Variants in SPG7 observed in about 807,000 individuals in gnomAD.
The protein encoded by SPG7 is SPG7 matrix AAA peptidase subunit, paraplegin, also known as mitochondrial inner membrane m-AAA protease component paraplegin.
A neutral mutation model predicts 81.9 loss-of-function variants in SPG7; 103 were observed. The observed-to-expected ratio is 1.26, with a 90% CI of 1.07 to 1.48. SPG7 has a LOEUF of 1.48. SPG7 is among the 40% of genes most tolerant of loss of function. The probability of loss-of-function intolerance (pLI) is 0.00; values close to 1 mark genes in which losing one functional copy is unlikely to be tolerated. For missense variants in SPG7, 1,241 were observed against 1,087.3 expected (o/e 1.14, Z -1.99); for synonymous variants, 534 against 444.2 (o/e 1.20, Z -2.54).
chr16:89,524,199 CGTG>C lies in SPG7; in HGVS notation c.575_577del (p.Val192del), dbSNP rs2058231392. ...GCGTCCAGGTGGTGCCTGAGAGCGA[CGTG>C]GTGGAAGTCTACCTGCACCCTGGAG... is the stretch of plus-strand genomic sequence containing the variant. On this transcript the variant is annotated inframe_deletion, in exon 4 of 17. Transcript: ENST00000645818. 6.2e-7 allele frequency: 1 copy of C among 1,613,732 alleles called. No homozygotes were observed. The highest frequency in any genetic ancestry group is 8.5e-7 in the Non-Finnish European group (1 of 1,179,978).
rs1567896247 is a variant in SPG7, at chr16:89,513,006, G to A, written c.345G>A (p.Lys115=). 3.1e-6 allele frequency: 5 copies of A among 1,613,314 alleles called. No individual in the cohort carries two copies. Among genetic ancestry groups the A allele is most frequent in the Non-Finnish European group, 3.4e-6 (4 of 1,179,370 alleles). Reference sequence around the variant, plus strand: ...AGCAGAAGAATAAGGAGAAGGATAAGTCGAAGGGGAAGGCGCCTGAAGAGG... The same window carrying A: ...AGCAGAAGAATAAGGAGAAGGATAAATCGAAGGGGAAGGCGCCTGAAGAGG... ...RLKQKNKEKD[K]SKGKAPEEDE... is the part of the protein sequence containing the mutation. Residue 115 remains lysine, a synonymous_variant, in exon 3 of 17, where the codon AAG becomes AAA. Coordinates refer to ENST00000645818, the MANE Select transcript of SPG7 (RefSeq NM_003119.4).
intron 12 of SPG7, chr16:89,548,634 G>C: frequency 3.1e-6 from 1 of 327,700 alleles, no homozygotes; most frequent in South Asian, 2.4e-5. Context: ...CGGGAGATGA[G>C]TTTTGGTGAC....
At position 89,536,869 on chromosome 16, in the gene SPG7, A is replaced by C. The variant is rs139949614; in HGVS notation, c.1324+4233A>C. The C allele has an allele frequency of 2.6e-5, 42 of 1,614,020 alleles. No individual in the cohort carries two copies. In the African/African-American group the frequency reaches 5.1e-4, roughly 19 times the overall value. On this transcript the variant is annotated intron_variant, in intron 9 of 16. Coordinates refer to ENST00000645818, the MANE Select transcript of SPG7 (RefSeq NM_003119.4). The stretch of plus-strand genomic sequence containing the variant: ...GGAGCCCACAGGGTCACGGAGGGCA[A>C]TGGAGGGTCATTCGCTCTGCTGGGG...
intron 12 of SPG7, chr16:89,548,406 A>G: frequency 2.6e-6 from 1 of 390,806 alleles, no homozygotes; most frequent in Non-Finnish European, 4.7e-6. Flanking sequence ...AAAATAATAA[A>G]AACTAAAAAT....
At chr16:89,517,221 G>GA (rs398119608) in intron 3 of SPG7, 1 of 46,872 alleles carries the variant, frequency 2.1e-5, no homozygotes, top group Non-Finnish European at 4.9e-5. Context: ...AGGGACGTGT[G>GA]CCCCACTAAT....
intron 5 of SPG7, 22 bp downstream of exon 5, chr16:89,526,490 A>G (rs369223012): frequency 5.0e-6 from 8 of 1,613,844 alleles, no homozygotes; most frequent in African/African-American, 1.3e-5. Flanking sequence ...GTATTTGTTG[A>G]TGCTTGAACT....
Position 89,548,143 on chromosome 16 carries a change from C to T in SPG7, c.1663+30C>T. 7 of 1,497,308 alleles carry T rather than the reference C, an allele frequency of 4.7e-6. No homozygotes were observed. The South Asian group carries it at 5.6e-5, about 12-fold the overall frequency. 92.8% of individuals were successfully genotyped at this position (1,497,308 alleles called of 1,614,324 possible). A position where few individuals can be genotyped will look rare whatever the true frequency, so the allele number is the denominator to read the frequency against. On this transcript the variant is annotated intron_variant, in intron 12 of 16. Transcript: ENST00000645818. Reference sequence around the variant, plus strand: ...AGGGGGCGCGCCCTGGGTGAAGGCCCTCCTTAGCAGGGCTTGAACCCCAGA... The same window carrying T: ...AGGGGGCGCGCCCTGGGTGAAGGCCTTCCTTAGCAGGGCTTGAACCCCAGA...
chr16:89,535,725 T>C (rs1479082413), intron 9 of SPG7, among the ~76,000 whole-genome samples: 1 of 152,232 alleles, frequency 6.6e-6, no homozygotes, highest in Admixed American at 6.5e-5. Flanking sequence ...CTGGGAGAGC[T>C]GCCCTGTACC....
chr16:89,532,509 C>G lies in SPG7; in HGVS notation c.1197C>G (p.Ala399=). ...RVRSLFKEAR[A]RAPCIVYIDE... ...GGAGCCTCTTTAAGGAAGCCCGAGC[C>G]CGGGCCCCCTGCATCGTCTACATCG... Residue 399 remains alanine (A), a synonymous_variant, in exon 9 of 17, where the codon GCC becomes GCG. Transcript: ENST00000645818. 1 of 1,613,634 alleles carries G rather than the reference C, an allele frequency of 6.2e-7. No homozygotes were observed. The highest frequency in any genetic ancestry group is 8.5e-7 in the Non-Finnish European group (1 of 1,180,030).
chr16:89,529,540 G>A lies in SPG7; in HGVS notation c.822G>A (p.Leu274=). The change falls in exon 6 of 17, where the codon CTG becomes CTA. Residue 274 remains leucine (L), a synonymous_variant. Coordinates refer to ENST00000645818, the MANE Select transcript of SPG7 (RefSeq NM_003119.4). ...GLAILWYVFR[L]AGMTGREGGF... Reference sequence around the variant, plus strand: ...CCATCCTGTGGTATGTTTTCCGTCTGGCCGGGATGACTGGAAGGGAAGGTG... The same window carrying A: ...CCATCCTGTGGTATGTTTTCCGTCTAGCCGGGATGACTGGAAGGGAAGGTG... 6.2e-7 allele frequency: 1 copy of A among 1,614,054 alleles called. No individual in the cohort carries two copies. Among genetic ancestry groups the A allele is most frequent in the South Asian group, 1.1e-5 (1 of 91,060 alleles).
chr16:89,537,315 C>G, intron 9 of SPG7: 1 of 1,244,186 alleles, frequency 8.0e-7, no homozygotes, highest in Non-Finnish European at 1.0e-6. Context: ...TCAAAGAGCA[C>G]TGGAGGCACC....
chr16:89,510,425 C>A, intron 1 of SPG7, 65 bp from the exon 2 acceptor site: 1 of 974,580 alleles, frequency 1.0e-6, no homozygotes, highest in Non-Finnish European at 1.6e-6. Context: ...GATTTTTAGT[C>A]TGCATTGCTT....
chr16:89,537,535 C>CT (rs1218549843), intron 9 of SPG7: 185 of 981,218 alleles, frequency 1.9e-4, no homozygotes, highest in Admixed American at 4.2e-4. Context: ...TATGCTTCGA[C>CT]TTTTTTTTTC....
rs61756187 is a variant in SPG7, at chr16:89,557,003, C to G, written c.2298C>G (p.Ala766=). 3.8e-5 allele frequency: 61 copies of G among 1,613,724 alleles called. No individual in the cohort carries two copies. The highest frequency in any genetic ancestry group is 1.0e-4 in the Admixed American group (6 of 59,992). Reference sequence around the variant, plus strand: ...TCGCACCGCAGAGGTGGATCGACGCCCAGAGGGAGAAACAGGACTTGGGCG... The same window carrying G: ...TCGCACCGCAGAGGTGGATCGACGCGCAGAGGGAGAAACAGGACTTGGGCG... ...KMIAPQRWID[A]QREKQDLGEE... Residue 766 remains alanine, a synonymous_variant, in exon 17 of 17, where the codon GCC becomes GCG. Transcript: ENST00000645818.
intron 15 of SPG7, 38 bp from the exon 16 acceptor site, chr16:89,554,448 G>T: frequency 6.8e-7 from 1 of 1,475,620 alleles, no homozygotes; most frequent in Non-Finnish European, 9.4e-7. Context: ...GAGCCAGGCG[G>T]CCAGCCTTGC....
chr16:89,544,199 G>C, intron 9 of SPG7: 1 of 261,932 alleles, frequency 3.8e-6, no homozygotes. Context: ...GATGACAAAC[G>C]TCAAGCCTGA....
intron 9 of SPG7, chr16:89,536,683 C>A: frequency 2.6e-6 from 4 of 1,548,612 alleles, no homozygotes; most frequent in African/African-American, 1.4e-5. Context: ...TCGGGCGAGG[C>A]GGGCGGCTGC....
In SPG7 at chr16:89,550,598, G is replaced by T. The variant is rs1171567141; in HGVS notation, c.1768G>T (p.Ala590Ser). The change falls in exon 13 of 17, where the codon GCC (alanine) becomes TCC (serine). Residue 590 changes from alanine (A) to serine (S), a missense_variant. By Grantham distance (99) the Ala-to-Ser change is moderately conservative. Transcript: ENST00000645818. ...GGGCTGGATGCTGGAGCACACGGAG[G>T]CCGTGATGAAGGTGGGTCTTGGCAG... is the stretch of plus-strand genomic sequence containing the variant. The part of the protein sequence containing the change: ...LVGWMLEHTE[A>S]VMKVSITPRT... The T allele has an allele frequency of 6.2e-7, 1 of 1,612,870 alleles. No individual in the cohort carries two copies. The highest frequency in any genetic ancestry group is 1.3e-5 in the African/African-American group (1 of 74,944).
chr16:89,528,914 C>G (rs777842347), intron 5 of SPG7: 37 of 181,856 alleles, frequency 2.0e-4, no homozygotes, highest in Non-Finnish European at 3.3e-4. Flanking sequence ...TAGGTTCAAG[C>G]ATTTCTCCTG....
Sources: allele counts gnomAD v4.1 joint callset (sites outside exome capture counted in the v4.1 genomes callset), GRCh38; gene constraint gnomAD v4.1.1; transcripts MANE v1.5; gene names NCBI Gene and HGNC (gene_info 2026-07-23, HGNC 2026-07-21).